The following FBN1 variants were observed in gnomAD, a reference collection of about 807,000 sequenced individuals.
FBN1 encodes fibrillin-1.
Under a neutral mutation model 365.1 loss-of-function variants are expected in FBN1, and 29 were observed. The observed-to-expected ratio is 0.08, with a 90% CI of 0.06 to 0.11. The LOEUF (loss-of-function observed/expected upper bound fraction) is 0.11. FBN1 is among the 10% of genes least tolerant of loss of function. The pLI is 1.00. For missense variants in FBN1, 2,476 were observed against 3,703.2 expected (o/e 0.67, Z 8.60); for synonymous variants, 1,210 against 1,270.5 (o/e 0.95, Z 1.01).
rs535109495 is a variant in FBN1 at position 48,515,291 on chromosome 15, T to C, written c.1468+96A>G. On this transcript the variant is annotated intron_variant, in intron 12 of 65. Coordinates refer to ENST00000316623, the MANE Select transcript of FBN1 (RefSeq NM_000138.5). The stretch of plus-strand genomic sequence containing the variant: ...TTTGTATTGTATTAAGCCACCAAGT[T>C]TGGGGTAAGTTGTTACAGCAGCAAT... 9 of 1,400,538 alleles carry C rather than the reference T, an allele frequency of 6.4e-6. No individual in the cohort carries two copies. In the African/African-American group the frequency reaches 1.1e-4, roughly 18 times the overall value. The allele number at this position is 1,400,538 out of a possible 1,614,324, so 86.8% of individuals were successfully genotyped here.
intron 6 of FBN1, among the ~76,000 whole-genome samples, chr15:48,575,885 T>G (rs2044343211): frequency 6.6e-6 from 1 of 151,636 alleles, no homozygotes; most frequent in Non-Finnish European, 1.5e-5. Context: ...TAAAATCATG[T>G]TTTTTGCAGC....
At chr15:48,567,998 T>TAGAAAGAAAGA (rs1555403243) in intron 6 of FBN1, among the ~76,000 whole-genome samples, 1 of 56,534 alleles carries the variant, frequency 1.8e-5, no homozygotes, top group Admixed American at 2.1e-4. Flanking sequence ...AGTATACAGA[T>TAGAAAGAAAGA]AAGAAAGAAA....
chr15:48,611,755 C>T (rs1454624233), intron 3 of FBN1, among the ~76,000 whole-genome samples: 3 of 152,148 alleles, frequency 2.0e-5, no homozygotes, highest in African/African-American at 7.2e-5. Flanking sequence ...CTAGTGGTCA[C>T]AACAGTAAGT....
At chr15:48,454,892 C>A (rs2043227768) in intron 44 of FBN1, among the ~76,000 whole-genome samples, 1 of 152,184 alleles carries the variant, frequency 6.6e-6, no homozygotes, top group African/African-American at 2.4e-5. Context: ...ACCTCACTCA[C>A]CAGGTCTGCC....
chr15:48,485,481 C>T lies in FBN1; in HGVS notation c.3605G>A (p.Ser1202Asn), dbSNP rs758542279. 17 of 1,614,190 alleles carry T rather than the reference C, an allele frequency of 1.1e-5. No homozygotes were observed. The Admixed American group carries it at 2.7e-4, about 25-fold the overall frequency. Residue 1202 changes from serine (S) to asparagine (N), a missense_variant, in exon 30 of 66, where the codon AGC becomes AAC. Transcript: ENST00000316623. ...GGTTTCACAACCACCATTCATTATGCTGCATTCATCAATGTCTAAAAGAAA... is the reference window on the plus strand; with the variant it reads ...GGTTTCACAACCACCATTCATTATGTTGCATTCATCAATGTCTAAAAGAAA... ...RLFCVDIDEC[S>N]IMNGGCETFC...
chr15:48,495,073 T>C, intron 22 of FBN1, 50 bp downstream of exon 22: 1 of 1,612,310 alleles, frequency 6.2e-7, no homozygotes, highest in Non-Finnish European at 8.5e-7. Flanking sequence ...CCCCTTTTTA[T>C]GCAAAGACCA....
At chr15:48,487,471 G>A (rs2043518995) in intron 27 of FBN1, 34 bp from the exon 28 acceptor site, 2 of 1,610,938 alleles carry the variant, frequency 1.2e-6, no homozygotes, top group Non-Finnish European at 8.5e-7. Context: ...TAAAGGTGGG[G>A]GCCTCATCTC....
intron 24 of FBN1, among the ~76,000 whole-genome samples, chr15:48,490,332 C>T (rs892496985): frequency 2.0e-5 from 3 of 152,192 alleles, no homozygotes; most frequent in African/African-American, 7.2e-5. Flanking sequence ...GATAATTCTA[C>T]ATAAGGAATG....
intron 2 of FBN1, among the ~76,000 whole-genome samples, chr15:48,632,101 G>A (rs1172150992): frequency 1.3e-5 from 2 of 152,096 alleles, no homozygotes; most frequent in African/African-American, 4.8e-5. Context: ...ACAATTTAGG[G>A]AAAGAGAAAA....
At chr15:48,481,523 A>C in intron 32 of FBN1, 132 bp downstream of exon 32, 1 of 1,016,044 alleles carries the variant, frequency 9.8e-7, no homozygotes, top group Non-Finnish European at 1.4e-6. Context: ...AGCTAAATTA[A>C]TGAAAAATGT....
intron 6 of FBN1, among the ~76,000 whole-genome samples, chr15:48,560,158 C>T (rs1286550439): frequency 2.0e-5 from 3 of 152,112 alleles, no homozygotes; most frequent in Non-Finnish European, 4.4e-5. Flanking sequence ...TCTGAAACCA[C>T]GCTACGTGTA....
At chr15:48,525,957 A>T (rs1259213814) in intron 9 of FBN1, among the ~76,000 whole-genome samples, 173 bp downstream of exon 9, 1 of 152,200 alleles carries the variant, frequency 6.6e-6, no homozygotes, top group Admixed American at 6.5e-5. Context: ...CAAAATGACC[A>T]CAAGGTGCCT....
At chr15:48,449,969 T>C (rs1249979947) in intron 45 of FBN1, among the ~76,000 whole-genome samples, 1 of 152,228 alleles carries the variant, frequency 6.6e-6, no homozygotes, top group Non-Finnish European at 1.5e-5. Context: ...TATCTCCTAT[T>C]TAGTAGATGA....
At chr15:48,602,672 C>T (rs1445364329) in intron 4 of FBN1, among the ~76,000 whole-genome samples, 1 of 152,032 alleles carries the variant, frequency 6.6e-6, no homozygotes, top group Non-Finnish European at 1.5e-5. Context: ...CAAGCAACCC[C>T]GGAAACTGAT....
intron 20 of FBN1, 69 bp from the exon 21 acceptor site, chr15:48,495,657 G>C: frequency 1.3e-6 from 2 of 1,589,620 alleles, no homozygotes; most frequent in Non-Finnish European, 1.7e-6. Context: ...CTTCAACTTT[G>C]ACCCCAATTG....
intron 44 of FBN1, among the ~76,000 whole-genome samples, chr15:48,456,387 G>C (rs1310694390): frequency 6.6e-6 from 1 of 152,274 alleles, no homozygotes; most frequent in South Asian, 2.1e-4. Context: ...ATATCAGCTG[G>C]GAAGTCTAAT....
At chr15:48,570,301 A>G (rs567099189) in intron 6 of FBN1, among the ~76,000 whole-genome samples, 67 of 152,340 alleles carry the variant, frequency 4.4e-4, no homozygotes, top group African/African-American at 1.5e-3. Context: ...ACCTGCGGTT[A>G]TGACCTCATT....
chr15:48,488,566 T>C, intron 25 of FBN1, 73 bp from the exon 26 acceptor site: 2 of 1,557,520 alleles, frequency 1.3e-6, no homozygotes, highest in Non-Finnish European at 1.8e-6. Flanking sequence ...TGCCCACCAT[T>C]TTAAATCATG....
At chr15:48,473,613 G>A (rs192553189) in intron 34 of FBN1, among the ~76,000 whole-genome samples, 33 of 152,206 alleles carry the variant, frequency 2.2e-4, no homozygotes, top group African/African-American at 7.5e-4. Context: ...GAATTCCATA[G>A]CAGGTTTGAA....
Sources: gnomAD v4.1 joint callset for allele counts (sites outside exome capture counted in the v4.1 genomes callset) on GRCh38, gnomAD v4.1.1 for gene constraint, MANE v1.5 for transcripts, NCBI Gene and HGNC (gene_info 2026-07-23, HGNC 2026-07-21) for gene names.